The following COL21A1 variants were observed in gnomAD, a reference collection of about 807,000 sequenced individuals.
COL21A1 encodes collagen type XXI alpha 1 chain.
In COL21A1, 149 loss-of-function variants were observed where a neutral mutation model predicts 137.9. That is an observed-to-expected ratio of 1.08 (90% CI 0.95 to 1.24). The LOEUF is 1.24. COL21A1 is among the 50% of genes most tolerant of loss of function. The pLI is 0.00. For missense variants in COL21A1, 1,167 were observed against 1,158.4 expected, an observed-to-expected ratio of 1.01 and a Z score of -0.11; for synonymous variants, 456 against 391.5, an observed-to-expected ratio of 1.16 and a Z score of -1.95.
chr6:56,291,955 T>C (rs1432277066), intron 1 of COL21A1, among the ~76,000 whole-genome samples: 1 of 151,670 alleles, frequency 6.6e-6, no homozygotes, highest in Admixed American at 6.6e-5. Context: ...ATCACCTGAG[T>C]TTTAGGAGTT....
intron 1 of COL21A1, among the ~76,000 whole-genome samples, chr6:56,375,583 G>A (rs187586958): frequency 1.4e-4 from 22 of 152,256 alleles, no homozygotes; most frequent in African/African-American, 5.1e-4. Flanking sequence ...CCAGTGCATG[G>A]TGCCATTATT....
chr6:56,246,489 G>A (rs1423611040), intron 1 of COL21A1, among the ~76,000 whole-genome samples: 2 of 151,378 alleles, frequency 1.3e-5, no homozygotes, highest in African/African-American at 2.4e-5. Context: ...TTTCAATATG[G>A]GCAAAACTCT....
At chr6:56,104,764 C>A (rs745721013) in intron 16 of COL21A1, among the ~76,000 whole-genome samples, 1 of 151,998 alleles carries the variant, frequency 6.6e-6, no homozygotes, top group Non-Finnish European at 1.5e-5. Flanking sequence ...CAAGACAGTT[C>A]TTTAAAAAAA....
At chr6:56,070,641 C>A in intron 21 of COL21A1, 104 bp downstream of exon 21, 1 of 698,058 alleles carries the variant, frequency 1.4e-6, no homozygotes, top group Non-Finnish European at 2.3e-6. Flanking sequence ...TAATCCTTAA[C>A]TTCATGTATC....
chr6:56,102,974 T>C (rs368765381), intron 16 of COL21A1, among the ~76,000 whole-genome samples: 1 of 152,102 alleles, frequency 6.6e-6, no homozygotes, highest in Admixed American at 6.5e-5. Flanking sequence ...TCCACTTAGT[T>C]TGAAAGCTAG....
chr6:56,307,746 A>G (rs2152338861), intron 1 of COL21A1, among the ~76,000 whole-genome samples: 1 of 152,126 alleles, frequency 6.6e-6, no homozygotes, highest in Non-Finnish European at 1.5e-5. Flanking sequence ...CCGCTTTCCG[A>G]CACTCCCCAG....
chr6:56,189,566 C>G (rs916579842), intron 1 of COL21A1, among the ~76,000 whole-genome samples: 3 of 152,102 alleles, frequency 2.0e-5, no homozygotes, highest in African/African-American at 7.2e-5. Flanking sequence ...TCCAGGAGAA[C>G]TTCCCCAACC....
At chr6:56,357,235 T>C (rs751000997) in intron 1 of COL21A1, among the ~76,000 whole-genome samples, 68 of 152,196 alleles carry the variant, frequency 4.5e-4, no homozygotes, top group Non-Finnish European at 7.9e-4. Context: ...AAGGTTATAA[T>C]GGAAATTAAA....
At chr6:56,058,872 C>T (rs2114019771) in intron 29 of COL21A1, among the ~76,000 whole-genome samples, 1 of 152,150 alleles carries the variant, frequency 6.6e-6, no homozygotes, top group East Asian at 1.9e-4. Context: ...GTCATAAAGA[C>T]TAAACAGTGT....
chr6:56,147,698 T>C (rs1045550897), intron 10 of COL21A1, among the ~76,000 whole-genome samples: 1 of 152,172 alleles, frequency 6.6e-6, no homozygotes, highest in Non-Finnish European at 1.5e-5. Flanking sequence ...ATACTACCTA[T>C]AATATATATC....
chr6:56,309,576 G>T (rs1271242001), intron 1 of COL21A1, among the ~76,000 whole-genome samples: 3 of 152,092 alleles, frequency 2.0e-5, no homozygotes, highest in Admixed American at 6.5e-5. Flanking sequence ...TCTATTGTTG[G>T]ATGTGAGGTA....
At chr6:56,098,606 A>AAT (rs377218351) in intron 17 of COL21A1, among the ~76,000 whole-genome samples, 138 of 3,056 alleles carry the variant, frequency 0.045, 25 homozygotes, top group African/African-American at 0.12. Context: ...TATATATATA[A>AAT]ATATATATAA....
chr6:56,140,334 A>G (rs1774320701), intron 12 of COL21A1, among the ~76,000 whole-genome samples: 1 of 152,132 alleles, frequency 6.6e-6, no homozygotes. Context: ...AAATCTATGT[A>G]TATTCTATTG....
chr6:56,369,487 G>T (rs1450214336), intron 1 of COL21A1, among the ~76,000 whole-genome samples: 2 of 151,764 alleles, frequency 1.3e-5, no homozygotes, highest in African/African-American at 4.8e-5. Context: ...AGGCTTTTCT[G>T]GACATAAAGG....
chr6:56,130,074 T>C (rs1027178129), intron 12 of COL21A1, among the ~76,000 whole-genome samples: 9 of 149,960 alleles, frequency 6.0e-5, no homozygotes, highest in Non-Finnish European at 1.0e-4. Flanking sequence ...GTTCTTCAGG[T>C]TCTGAAGATT....
chr6:56,183,715 A>G (rs1264391994), intron 1 of COL21A1, among the ~76,000 whole-genome samples: 1 of 152,186 alleles, frequency 6.6e-6, no homozygotes, highest in Non-Finnish European at 1.5e-5. Context: ...AAACACCATA[A>G]GCAGATCCAA....
At chr6:56,235,236 C>G (rs1180435740) in intron 1 of COL21A1, among the ~76,000 whole-genome samples, 1 of 151,854 alleles carries the variant, frequency 6.6e-6, no homozygotes, top group Non-Finnish European at 1.5e-5. Flanking sequence ...AATAGCAATG[C>G]ATATATATGC....
chr6:56,346,083 T>TTTAAATAC (rs1765591259), intron 1 of COL21A1, among the ~76,000 whole-genome samples: 1 of 152,242 alleles, frequency 6.6e-6, no homozygotes, highest in Admixed American at 6.5e-5. Context: ...ATAATTTATA[T>TTTAAATAC]ACAGTAAAAT....
chr6:56,136,343 A>G (rs1774002589), intron 12 of COL21A1, among the ~76,000 whole-genome samples: 1 of 152,238 alleles, frequency 6.6e-6, no homozygotes, highest in African/African-American at 2.4e-5. Flanking sequence ...CTTGTGATTA[A>G]TAATAATTTG....
Sources: gnomAD v4.1 joint callset for allele counts (sites outside exome capture counted in the v4.1 genomes callset) on GRCh38, gnomAD v4.1.1 for gene constraint, MANE v1.5 for transcripts, NCBI Gene and HGNC (gene_info 2026-07-23, HGNC 2026-07-21) for gene names.